PCLO: variants seen among roughly 807,000 people sequenced by gnomAD.
PCLO encodes protein piccolo.
Under a neutral mutation model 427.5 loss-of-function variants are expected in PCLO, and 82 were observed. That is an observed-to-expected ratio of 0.19 (90% CI 0.16 to 0.23). The LOEUF is 0.23. Ranked by LOEUF, PCLO falls within the 10% of genes least tolerant of loss-of-function variation. PCLO has a pLI of 1.00. For synonymous variants in PCLO, 2,357 were observed against 2,155.4 expected, an observed-to-expected ratio of 1.09 and a Z score of -2.59; for missense variants, 6,239 against 6,115.9, an observed-to-expected ratio of 1.02 and a Z score of -0.67.
chr7:83,139,890 G>A (rs1010026081), intron 2 of PCLO, among the ~76,000 whole-genome samples: 3 of 152,098 alleles, frequency 2.0e-5, no homozygotes, highest in Admixed American at 6.5e-5. Flanking sequence ...CAAATCTGTT[G>A]AAGGTAGAAA....
Position 82,856,428 on chromosome 7 carries a change from G to A in PCLO, c.13655-9181C>T, listed in dbSNP as rs187246718. 1.4e-4 allele frequency among the ~76,000 whole-genome samples: 22 copies of A among 152,198 alleles called. No individual in the cohort carries two copies. The East Asian group carries it at 4.3e-3, about 29-fold the overall frequency. ...GTGACCACTAAAACAATCCAGTCCA[G>A]TATTTCCTTGAAGGATTGGTATAGA... On this transcript the variant is annotated intron_variant, in intron 10 of 24. Coordinates refer to ENST00000333891, the MANE Select transcript of PCLO (RefSeq NM_033026.6).
Position 82,956,009 on chromosome 7 carries a change from A to G in PCLO, c.4944T>C (p.Thr1648=). ...CAAGTTCTTCACTTTCCTGACTTTTAGTTTCTCTGTATTTAAGTTCAGGAC... is the reference window on the plus strand; with the variant it reads ...CAAGTTCTTCACTTTCCTGACTTTTGGTTTCTCTGTATTTAAGTTCAGGAC... ...DESPELKYRE[T]KSQESEELVV... The change falls in exon 5 of 25, where the codon ACT becomes ACC. Residue 1648 remains threonine, a synonymous_variant. Transcript: ENST00000333891. 1 of 1,613,240 alleles carries G rather than the reference A, an allele frequency of 6.2e-7. No homozygotes were observed. The highest frequency in any genetic ancestry group is 1.3e-5 in the African/African-American group (1 of 74,976).
intron 3 of PCLO, among the ~76,000 whole-genome samples, chr7:82,968,336 C>A (rs1450723260): frequency 1.3e-5 from 2 of 151,986 alleles, no homozygotes; most frequent in African/African-American, 2.4e-5. Flanking sequence ...ATATAAAAGT[C>A]ATTGGAAAGA....
intron 3 of PCLO, among the ~76,000 whole-genome samples, chr7:83,099,164 C>T: frequency 6.7e-6 from 1 of 149,854 alleles, no homozygotes; most frequent in Non-Finnish European, 1.5e-5. Flanking sequence ...AAAGGAAAGT[C>T]ATTGAACGTG....
At chr7:83,014,252 C>T (rs955151600) in intron 3 of PCLO, among the ~76,000 whole-genome samples, 1 of 152,070 alleles carries the variant, frequency 6.6e-6, no homozygotes, top group African/African-American at 2.4e-5. Flanking sequence ...ACAGGTAAAG[C>T]CATGCCACAA....
intron 10 of PCLO, among the ~76,000 whole-genome samples, chr7:82,866,776 C>G (rs1793105610): frequency 6.6e-6 from 1 of 151,868 alleles, no homozygotes; most frequent in African/African-American, 2.4e-5. Flanking sequence ...CGGCACTTAT[C>G]ATTGTATCTG....
At chr7:83,024,146 G>A (rs558744467) in intron 3 of PCLO, among the ~76,000 whole-genome samples, 4 of 152,298 alleles carry the variant, frequency 2.6e-5, no homozygotes, top group Admixed American at 6.5e-5. Flanking sequence ...AGCTCCCAGC[G>A]TGAGCGACGC....
At chr7:82,784,428 C>T (rs866206739) in intron 22 of PCLO, among the ~76,000 whole-genome samples, 6 of 152,068 alleles carry the variant, frequency 3.9e-5, no homozygotes, top group South Asian at 2.1e-4. Flanking sequence ...GAGGCCTTTC[C>T]GGATAATATT....
intron 22 of PCLO, among the ~76,000 whole-genome samples, chr7:82,795,553 G>T (rs79988873): frequency 6.6e-6 from 1 of 151,972 alleles, no homozygotes; most frequent in Non-Finnish European, 1.5e-5. Flanking sequence ...TAAAAATGTT[G>T]GTAAGTACAA....
chr7:83,004,481 CATGT>C (rs979542241), intron 3 of PCLO, among the ~76,000 whole-genome samples: 4 of 89,970 alleles, frequency 4.4e-5, no homozygotes, highest in African/African-American at 1.8e-4. Context: ...GACGCTTACA[CATGT>C]GTCTTACACC....
At chr7:82,813,467 G>T (rs1422009194) in intron 20 of PCLO, among the ~76,000 whole-genome samples, 4 of 151,684 alleles carry the variant, frequency 2.6e-5, no homozygotes, top group African/African-American at 9.7e-5. Context: ...TTTTAAACAT[G>T]ATGATGTTTG....
At chr7:82,792,137 A>T (rs1791114229) in intron 22 of PCLO, among the ~76,000 whole-genome samples, 1 of 152,162 alleles carries the variant, frequency 6.6e-6, no homozygotes, top group African/African-American at 2.4e-5. Context: ...AGTGTGTCAG[A>T]TAAAAAGAGT....
intron 3 of PCLO, among the ~76,000 whole-genome samples, chr7:83,012,292 A>G (rs1788099960): frequency 6.6e-6 from 1 of 152,084 alleles, no homozygotes; most frequent in Non-Finnish European, 1.5e-5. Flanking sequence ...CTTGGAGGAA[A>G]TAGGAGCCTA....
chr7:82,955,622 T>G lies in PCLO; in HGVS notation c.5331A>C (p.Glu1777Asp). ...LPTIEDSSEE[E>D]ELREEEELLK... is the part of the protein sequence containing the mutation. Reference sequence around the variant, plus strand: ...ATAATTCTTCTTCCTCTCTCAATTCTTCTTCCTCTGAAGAATCTTCAATAG... The same window carrying G: ...ATAATTCTTCTTCCTCTCTCAATTCGTCTTCCTCTGAAGAATCTTCAATAG... The change falls in exon 5 of 25, where the codon GAA becomes GAC. Residue 1777 changes from glutamate to aspartate, a missense_variant. Glu to Asp is a conservative substitution (Grantham distance 45, BLOSUM62 2). Transcript: ENST00000333891. The G allele has an allele frequency of 6.2e-7, 1 of 1,613,990 alleles. No homozygotes were observed. Among genetic ancestry groups the G allele is most frequent in the Non-Finnish European group, 8.5e-7 (1 of 1,179,878 alleles).
chr7:83,097,977 T>G (rs973824417), intron 3 of PCLO, among the ~76,000 whole-genome samples: 1 of 152,282 alleles, frequency 6.6e-6, no homozygotes, highest in Non-Finnish European at 1.5e-5. Context: ...ACACTTGGAT[T>G]ATATTATTTG....
chr7:82,791,981 A>G (rs1791110904), intron 22 of PCLO, among the ~76,000 whole-genome samples: 2 of 152,066 alleles, frequency 1.3e-5, no homozygotes, highest in African/African-American at 4.8e-5. Flanking sequence ...GTGAACTGGA[A>G]AAAGAAGTTA....
intron 7 of PCLO, among the ~76,000 whole-genome samples, chr7:82,913,150 A>G (rs1794362882): frequency 6.6e-6 from 1 of 152,062 alleles, no homozygotes; most frequent in Non-Finnish European, 1.5e-5. Flanking sequence ...ATTTTATTCA[A>G]TTAACTAATT....
chr7:82,810,223 A>G (rs934217795), intron 20 of PCLO, among the ~76,000 whole-genome samples: 2 of 151,630 alleles, frequency 1.3e-5, no homozygotes, highest in Non-Finnish European at 3.0e-5. Context: ...TTCAAAATCA[A>G]AAATTTAGAA....
chr7:82,809,479 C>T (rs958293533), intron 20 of PCLO, among the ~76,000 whole-genome samples: 10 of 151,654 alleles, frequency 6.6e-5, no homozygotes, highest in Admixed American at 5.3e-4. Flanking sequence ...GTGACCTCTC[C>T]TATGTCTGGA....
Sources: gnomAD v4.1 joint callset for allele counts (sites outside exome capture counted in the v4.1 genomes callset) on GRCh38, gnomAD v4.1.1 for gene constraint, MANE v1.5 for transcripts, NCBI Gene and HGNC (gene_info 2026-07-23, HGNC 2026-07-21) for gene names.